ASH1L: variants seen among roughly 807,000 people sequenced by gnomAD.
ASH1L encodes the protein histone-lysine N-methyltransferase ASH1L.
In ASH1L, 23 loss-of-function variants were observed where a neutral mutation model predicts 269.0. The observed-to-expected ratio is 0.09, with a 90% CI of 0.06 to 0.12. The LOEUF is 0.12. ASH1L is among the 10% of genes least tolerant of loss of function. The pLI, the probability that ASH1L is intolerant of heterozygous loss-of-function variation, is 1.00. For synonymous variants in ASH1L, 1,187 were observed against 1,253.5 expected (o/e 0.95, Z 1.12); for missense variants, 2,912 against 3,567.8 (o/e 0.82, Z 4.68).
At chr1:155,356,014 T>C (rs1654354466) in intron 15 of ASH1L, among the ~76,000 whole-genome samples, 1 of 151,468 alleles carries the variant, frequency 6.6e-6, no homozygotes, top group Admixed American at 6.6e-5. Context: ...CTTGGTTCAC[T>C]GCAACCTCCA....
At chr1:155,505,336 C>T (rs1667741876) in intron 2 of ASH1L, among the ~76,000 whole-genome samples, 1 of 152,158 alleles carries the variant, frequency 6.6e-6, no homozygotes. Context: ...TTGCTCACCA[C>T]CTTCTCCAAT....
intron 6 of ASH1L, among the ~76,000 whole-genome samples, chr1:155,401,810 C>T (rs1309726471): frequency 2.1e-5 from 3 of 144,646 alleles, no homozygotes; most frequent in South Asian, 2.2e-4. Flanking sequence ...TACTGGCTTC[C>T]GGGAACAGTG....
intron 12 of ASH1L, among the ~76,000 whole-genome samples, chr1:155,361,634 G>A (rs936847221): frequency 2.0e-5 from 3 of 151,928 alleles, no homozygotes; most frequent in East Asian, 1.9e-4. Context: ...GGGAGGCGGA[G>A]GTTGCGGTGA....
chr1:155,450,096 C>T (rs1663355449), intron 4 of ASH1L, among the ~76,000 whole-genome samples: 1 of 152,056 alleles, frequency 6.6e-6, no homozygotes, highest in African/African-American at 2.4e-5. Flanking sequence ...GACATCATTC[C>T]ATTGTGTTTT....
chr1:155,383,815 T>C (rs2148454018), intron 7 of ASH1L, among the ~76,000 whole-genome samples: 1 of 152,150 alleles, frequency 6.6e-6, no homozygotes, highest in East Asian at 1.9e-4. Flanking sequence ...AGAGTTACAG[T>C]AGGGGATAAT....
chr1:155,478,736 G>A lies in ASH1L; in HGVS notation c.4134C>T (p.Phe1378=), dbSNP rs750353601. The A allele has an allele frequency of 3.7e-6, 6 of 1,614,086 alleles. No homozygotes were observed. Among genetic ancestry groups the A allele is most frequent in the Non-Finnish European group, 3.4e-6 (4 of 1,180,012 alleles). ...AGTAAGGCATACCATAAGATGGATA[G>A]AATCCAGTACTAGAAAGAGGAAAAC... ...SLSFPLSSTG[F]YPSYGMPYSP... Residue 1378 remains phenylalanine (F), a synonymous_variant, in exon 3 of 28, where the codon TTC becomes TTT. Transcript: ENST00000392403. This position sits in a 1 kb window ranked among gnomAD's most constrained non-coding sequence, Gnocchi z 4.6.
In ASH1L at chr1:155,372,304, TTTTAA is replaced by T. The variant is rs1399256541; in HGVS notation, c.6333-1326_6333-1322del. On this transcript the variant is annotated intron_variant, in intron 10 of 27. Coordinates refer to ENST00000392403, the MANE Select transcript of ASH1L (RefSeq NM_018489.3). ...ACTGTGCCCAGCCAGTTTTTTTTTT[TTTTAA>T]TTTATTTTTATTTTTTTGAGGCAAA... Among the ~76,000 whole-genome samples the T allele has an allele frequency of 5.3e-5, 8 of 150,662 alleles. No individual in the cohort carries two copies. The South Asian group carries it at 1.5e-3, about 28-fold the overall frequency.
intron 3 of ASH1L, among the ~76,000 whole-genome samples, chr1:155,470,477 A>C (rs1199077093): frequency 6.6e-6 from 1 of 152,072 alleles, no homozygotes; most frequent in Non-Finnish European, 1.5e-5. Flanking sequence ...AAACAAAAAA[A>C]AACAAAAAAA....
intron 6 of ASH1L, among the ~76,000 whole-genome samples, chr1:155,396,590 C>T (rs1432283561): frequency 2.0e-5 from 3 of 151,946 alleles, no homozygotes; most frequent in African/African-American, 7.2e-5. Context: ...GGATTACAGG[C>T]GTGAGCAACT....
At chr1:155,552,359 G>A (rs374720637) in intron 1 of ASH1L, among the ~76,000 whole-genome samples, 1 of 152,088 alleles carries the variant, frequency 6.6e-6, no homozygotes, top group Non-Finnish European at 1.5e-5. Flanking sequence ...CCAGCTACTC[G>A]GGAGGCTGAG....
At chr1:155,541,402 C>A (rs934399309) in intron 1 of ASH1L, among the ~76,000 whole-genome samples, 1 of 151,682 alleles carries the variant, frequency 6.6e-6, no homozygotes, top group African/African-American at 2.4e-5. Flanking sequence ...AATGTGCTTT[C>A]CAAAGGTAAA....
chr1:155,522,924 C>A (rs1668987413), intron 1 of ASH1L, among the ~76,000 whole-genome samples: 1 of 152,092 alleles, frequency 6.6e-6, no homozygotes, highest in Non-Finnish European at 1.5e-5. Context: ...CGCCTGACCT[C>A]AGGTGATCCG....
At chr1:155,513,554 GGAGT>G (rs1052367716) in intron 2 of ASH1L, among the ~76,000 whole-genome samples, 5 of 149,642 alleles carry the variant, frequency 3.3e-5, no homozygotes, top group Non-Finnish European at 7.4e-5. Flanking sequence ...CAGGGCAACA[GGAGT>G]GAGATCCTGT....
At position 155,343,427 on chromosome 1, in the gene ASH1L, G is replaced by A; in HGVS notation, c.8180C>T (p.Pro2727Leu). ...TTCATTATGATAGAACCGACGGGAT[G>A]GAGAGTGGTGTGTTTCGTGGGGACG... ...YFRPHETHHS[P>L]SRRFYHNELF... is the part of the protein sequence containing the mutation. The change falls in exon 24 of 28, where the codon CCA (proline) becomes CTA (leucine). Residue 2727 changes from proline (P) to leucine (L), a missense_variant. Transcript: ENST00000392403. The surrounding 1 kb of genome is among the most constrained non-coding windows in gnomAD (Gnocchi z 6.1). The A allele has an allele frequency of 2.5e-6, 4 of 1,614,232 alleles. No individual in the cohort carries two copies. The highest frequency in any genetic ancestry group is 3.4e-6 in the Non-Finnish European group (4 of 1,180,046).
chr1:155,411,591 ATATATATATATAT>A lies in ASH1L; in HGVS notation c.6008+4140_6008+4152del, dbSNP rs1659799625. ...TGAATATAAATAAATAAATAAATAT[ATATATATATATAT>A]ATATATATATATATGTTTTCATCCA... On this transcript the variant is annotated intron_variant, in intron 6 of 27. Transcript: ENST00000392403. 3.5e-4 allele frequency among the ~76,000 whole-genome samples: 15 copies of A among 42,870 alleles called. 1 individual carries two copies. The highest frequency in any genetic ancestry group is 5.2e-4 in the African/African-American group (8 of 15,342). The allele number at this position is 42,870 out of a possible 152,430, so 28.1% of individuals were successfully genotyped here.
chr1:155,434,618 C>T (rs979585565), intron 5 of ASH1L, among the ~76,000 whole-genome samples: 2 of 151,786 alleles, frequency 1.3e-5, no homozygotes, highest in African/African-American at 2.4e-5. Context: ...TTCGGGAGGC[C>T]GAGGCGGGAG....
intron 1 of ASH1L, among the ~76,000 whole-genome samples, chr1:155,531,193 T>C (rs1288220687): frequency 1.3e-5 from 2 of 151,120 alleles, no homozygotes; most frequent in African/African-American, 2.4e-5. Flanking sequence ...CACAACATTT[T>C]ACAATTTGGA....
At chr1:155,350,976 G>A (rs576807966) in intron 17 of ASH1L, among the ~76,000 whole-genome samples, 8 of 150,202 alleles carry the variant, frequency 5.3e-5, no homozygotes, top group African/African-American at 1.5e-4. Context: ...GATGGCACAC[G>A]CCTATAATCC....
At chr1:155,423,201 G>C (rs1660855697) in intron 5 of ASH1L, among the ~76,000 whole-genome samples, 1 of 150,986 alleles carries the variant, frequency 6.6e-6, no homozygotes, top group South Asian at 2.1e-4. Context: ...TACCCACCTC[G>C]GCCTCCCAAA....
Sources: gnomAD v4.1 joint callset for allele counts (sites outside exome capture counted in the v4.1 genomes callset) on GRCh38, gnomAD v4.1.1 for gene constraint, Gnocchi (gnomAD v3.1) non-coding constraint, MANE v1.5 for transcripts, NCBI Gene and HGNC (gene_info 2026-07-23, HGNC 2026-07-21) for gene names.